NALCN: variants seen among roughly 807,000 people sequenced by gnomAD.
The protein encoded by NALCN is sodium leak channel NALCN.
NALCN carries 111 observed loss-of-function variants against 225.3 expected under a neutral mutation model. The ratio of observed to expected loss-of-function variants is 0.49; its 90% CI spans 0.42 to 0.58. The LOEUF (loss-of-function observed/expected upper bound fraction) is 0.58. Among genes scored for constraint, NALCN ranks in the 20% least tolerant of loss-of-function variants. NALCN has a pLI of 0.00. For synonymous variants in NALCN, 764 were observed against 769.0 expected, an observed-to-expected ratio of 0.99 and a Z score of 0.11; for missense variants, 1,378 against 2,202.4, an observed-to-expected ratio of 0.63 and a Z score of 7.49.
chr13:101,314,415 G>A (rs1368919467), intron 7 of NALCN, among the ~76,000 whole-genome samples: 1 of 152,170 alleles, frequency 6.6e-6, no homozygotes, highest in African/African-American at 2.4e-5. Context: ...ATGAGTACAT[G>A]TGAAATTTTG....
chr13:101,395,186 G>A lies in NALCN; in HGVS notation c.288C>T (p.Val96=). 6.2e-7 allele frequency: 1 copy of A among 1,612,046 alleles called. No homozygotes were observed. Among genetic ancestry groups the A allele is most frequent in the Admixed American group, 1.7e-5 (1 of 59,726 alleles). ...TAAATGACATGGAAGTGCTCACCTT[G>A]ACAATGCCCCGGATGTGCATTTTTG... ...MIAKMHIRGI[V]KGDSSYVKDR... The change falls in exon 3 of 44, where the codon GTC becomes GTT. Residue 96 remains valine, a synonymous_variant. Transcript: ENST00000251127.
intron 12 of NALCN, among the ~76,000 whole-genome samples, chr13:101,231,195 TACAC>T (rs113196890): frequency 6.6e-6 from 1 of 151,154 alleles, no homozygotes; most frequent in African/African-American, 2.4e-5. Context: ...TGACTGTGTA[TACAC>T]ACACACACAC....
intron 43 of NALCN, 138 bp downstream of exon 43, chr13:101,057,801 A>G: frequency 1.3e-6 from 1 of 752,630 alleles, no homozygotes; most frequent in East Asian, 2.5e-5. Flanking sequence ...TGACAAGACT[A>G]CATTTTTCAT....
At chr13:101,069,255 G>T (rs953317263) in intron 37 of NALCN, among the ~76,000 whole-genome samples, 3 of 152,240 alleles carry the variant, frequency 2.0e-5, no homozygotes, top group African/African-American at 7.2e-5. Context: ...AGACATTGCA[G>T]TTTCAGTTCC....
intron 7 of NALCN, among the ~76,000 whole-genome samples, chr13:101,318,885 G>A (rs1594667944): frequency 6.6e-6 from 1 of 152,094 alleles, no homozygotes; most frequent in Non-Finnish European, 1.5e-5. Flanking sequence ...CTTCATTACA[G>A]CTGACAAGTG....
chr13:101,346,079 C>CTATA (rs1202819666), intron 6 of NALCN, among the ~76,000 whole-genome samples: 3 of 92,748 alleles, frequency 3.2e-5, no homozygotes, highest in East Asian at 5.3e-4. Context: ...CTCTCTCTCT[C>CTATA]TCTCTCTCTA....
chr13:101,228,666 C>G (rs772065675), intron 13 of NALCN, among the ~76,000 whole-genome samples: 1 of 152,142 alleles, frequency 6.6e-6, no homozygotes, highest in Non-Finnish European at 1.5e-5. Flanking sequence ...ACCTCTTTTT[C>G]TTTATAAATT....
chr13:101,239,844 A>T (rs991215083), intron 11 of NALCN, among the ~76,000 whole-genome samples: 1 of 152,102 alleles, frequency 6.6e-6, no homozygotes, highest in Admixed American at 6.6e-5. Context: ...ATAAGAAATC[A>T]TTTGCCCTTC....
intron 17 of NALCN, among the ~76,000 whole-genome samples, chr13:101,131,526 C>G (rs550223938): frequency 1.3e-5 from 2 of 152,114 alleles, no homozygotes; most frequent in Admixed American, 6.5e-5. Context: ...CTCCTCCCCC[C>G]ACAAATTTTG....
chr13:101,223,644 G>A (rs1012114189), intron 13 of NALCN, among the ~76,000 whole-genome samples: 2 of 151,968 alleles, frequency 1.3e-5, no homozygotes, highest in Non-Finnish European at 2.9e-5. Flanking sequence ...AAAATGAATG[G>A]CATTCTAAAA....
chr13:101,142,950 C>T (rs1409049798), intron 17 of NALCN, 130 bp downstream of exon 17: 1 of 1,268,234 alleles, frequency 7.9e-7, no homozygotes, highest in South Asian at 1.3e-5. Context: ...ATATCTTTTA[C>T]AAATGAAATC....
At chr13:101,105,606 T>A (rs1307475274) in intron 22 of NALCN, among the ~76,000 whole-genome samples, 1 of 149,114 alleles carries the variant, frequency 6.7e-6, no homozygotes, top group Non-Finnish European at 1.5e-5. Context: ...GATGTTAAGG[T>A]ACAGGCAGCC....
chr13:101,176,894 T>C (rs1333090945), intron 14 of NALCN, among the ~76,000 whole-genome samples: 3 of 152,240 alleles, frequency 2.0e-5, no homozygotes, highest in Non-Finnish European at 4.4e-5. Context: ...TCCTGGTTCA[T>C]GCCTTTGTGT....
rs544620805 is a variant in NALCN at position 101,129,062 on chromosome 13, G to A, written c.2119-4381C>T. 4.6e-5 allele frequency among the ~76,000 whole-genome samples: 7 copies of A among 152,274 alleles called. No individual in the cohort carries two copies. The South Asian group carries it at 1.5e-3, about 32-fold the overall frequency. The stretch of plus-strand genomic sequence containing the variant: ...GAGTGTGTGTGTTTCTTTTTGTGAT[G>A]TTACGGGTCTTGATGTTCATTTCTT... On this transcript the variant is annotated intron_variant, in intron 17 of 43. Coordinates refer to ENST00000251127, the MANE Select transcript of NALCN (RefSeq NM_052867.4).
chr13:101,073,949 C>T (rs948857395), intron 36 of NALCN, among the ~76,000 whole-genome samples: 1 of 152,102 alleles, frequency 6.6e-6, no homozygotes. Context: ...GTGATTCCTT[C>T]TTTCACTTGG....
rs977844479 is a variant in NALCN, at chr13:101,104,545, A to G, written c.2742T>C (p.His914=). 1 of 1,614,068 alleles carries G rather than the reference A, an allele frequency of 6.2e-7. No homozygotes were observed. The highest frequency in any genetic ancestry group is 2.2e-5 in the East Asian group (1 of 44,864). ...MFESPFRRVM[H]APTLQIAEYV... ...TAAGCGGTACCTGCAAAGTAGGTGC[A>G]TGCATGACTCTTCGAAACGGGGACT... The change falls in exon 24 of 44, where the codon CAT becomes CAC. Residue 914 remains histidine, a synonymous_variant. Transcript: ENST00000251127. The surrounding 1 kb of genome is among the most constrained non-coding windows in gnomAD (Gnocchi z 4.2).
intron 17 of NALCN, among the ~76,000 whole-genome samples, chr13:101,126,228 AGATCAGCATCACT>A (rs1434474111): frequency 6.6e-6 from 1 of 152,218 alleles, no homozygotes; most frequent in Non-Finnish European, 1.5e-5. Context: ...TATGTAGTAA[AGATCAGCATCACT>A]GAACATACTG....
intron 20 of NALCN, among the ~76,000 whole-genome samples, chr13:101,108,722 C>CA (rs749010916): frequency 1.3e-5 from 2 of 152,152 alleles, no homozygotes; most frequent in Non-Finnish European, 2.9e-5. Flanking sequence ...GCAGGCCCTT[C>CA]ACAGCCCTTT....
chr13:101,354,207 G>C (rs1306558936), intron 6 of NALCN, among the ~76,000 whole-genome samples: 1 of 152,174 alleles, frequency 6.6e-6, no homozygotes, highest in Non-Finnish European at 1.5e-5. Context: ...GCCAGGTTTG[G>C]TAGCGTATGC....
Sources: allele counts gnomAD v4.1 joint callset (sites outside exome capture counted in the v4.1 genomes callset), GRCh38; gene constraint gnomAD v4.1.1; non-coding constraint Gnocchi (gnomAD v3.1); transcripts MANE v1.5; gene names NCBI Gene and HGNC (gene_info 2026-07-23, HGNC 2026-07-21).